Variants in LDLRAD4 observed in about 807,000 individuals in gnomAD.
LDLRAD4 encodes low-density lipoprotein receptor class A domain-containing protein 4.
A neutral mutation model predicts 17.0 loss-of-function variants in LDLRAD4; 5 were observed. That is an observed-to-expected ratio of 0.29 (90% confidence interval 0.15 to 0.62). The LOEUF (loss-of-function observed/expected upper bound fraction) is 0.62. LDLRAD4 is among the 20% of genes least tolerant of loss of function. The pLI is 0.84. For synonymous variants in LDLRAD4, 168 were observed against 171.8 expected, an observed-to-expected ratio of 0.98 and a Z score of 0.17; for missense variants, 340 against 424.7, an observed-to-expected ratio of 0.80 and a Z score of 1.75.
At chr18:13,571,668 G>A (rs571320022) in intron 3 of LDLRAD4, among the ~76,000 whole-genome samples, 50 of 152,030 alleles carry the variant, frequency 3.3e-4, no homozygotes, top group Non-Finnish European at 6.6e-4. Flanking sequence ...ATGGATTCTC[G>A]CTCTGTTGCC....
In LDLRAD4 at chr18:13,376,436, A is replaced by T. The variant is rs535904672; in HGVS notation, c.-382-10905A>T. 5.3e-5 allele frequency among the ~76,000 whole-genome samples: 8 copies of T among 152,310 alleles called. No homozygotes were observed. The South Asian group carries it at 1.7e-3, about 32-fold the overall frequency. On this transcript the variant is annotated intron_variant, in intron 1 of 5. Transcript: ENST00000359446. Reference sequence around the variant, plus strand: ...AGCGGCGTCAGCTGCCAAGCATGGCAGTTATATTCCCTCTTGCCAGCGGCA... The same window carrying T: ...AGCGGCGTCAGCTGCCAAGCATGGCTGTTATATTCCCTCTTGCCAGCGGCA...
At chr18:13,642,932 T>G (rs2042718408) in intron 4 of LDLRAD4, among the ~76,000 whole-genome samples, 1 of 142,386 alleles carries the variant, frequency 7.0e-6, no homozygotes, top group Non-Finnish European at 1.5e-5. Context: ...TTTTTTGTTT[T>G]TTTTTTTTCT....
At chr18:13,502,312 C>G (rs1568265762) in intron 3 of LDLRAD4, among the ~76,000 whole-genome samples, 3 of 152,214 alleles carry the variant, frequency 2.0e-5, no homozygotes, top group Admixed American at 2.0e-4. Context: ...CTGACCGATT[C>G]ACCAGCTCTT....
intron 3 of LDLRAD4, among the ~76,000 whole-genome samples, chr18:13,586,297 A>G (rs2094932116): frequency 6.7e-6 from 1 of 150,070 alleles, no homozygotes; most frequent in Non-Finnish European, 1.5e-5. Flanking sequence ...AATCCCAGCT[A>G]CTGGGAGGCT....
chr18:13,619,515 C>G (rs996146400), intron 3 of LDLRAD4, among the ~76,000 whole-genome samples: 636 of 47,832 alleles, frequency 0.013, 4 homozygotes, highest in Middle Eastern at 0.065. Context: ...GGGGTGGGGC[C>G]GGGGGGGGGC....
At chr18:13,364,584 C>T (rs1256581242) in intron 1 of LDLRAD4, among the ~76,000 whole-genome samples, 1 of 152,152 alleles carries the variant, frequency 6.6e-6, no homozygotes, top group African/African-American at 2.4e-5. Context: ...TCAAGTGATC[C>T]TCCCACTTCA....
chr18:13,532,146 C>T (rs1055851341), intron 3 of LDLRAD4, among the ~76,000 whole-genome samples: 11 of 152,202 alleles, frequency 7.2e-5, no homozygotes, highest in African/African-American at 2.7e-4. Context: ...GCTGCAGAGG[C>T]AGCTGCCGGG....
At chr18:13,475,649 A>G (rs1290787834) in intron 3 of LDLRAD4, among the ~76,000 whole-genome samples, 1 of 152,106 alleles carries the variant, frequency 6.6e-6, no homozygotes, top group Non-Finnish European at 1.5e-5. Flanking sequence ...CCATTACCCT[A>G]AAACACAAGA....
chr18:13,612,602 A>C, intron 3 of LDLRAD4: 1 of 1,572,066 alleles, frequency 6.4e-7, no homozygotes, highest in Non-Finnish European at 8.6e-7. Flanking sequence ...CTATAACTGC[A>C]GCTCTGAGCT....
intron 4 of LDLRAD4, among the ~76,000 whole-genome samples, chr18:13,629,649 A>G (rs1194759142): frequency 2.0e-5 from 3 of 152,222 alleles, no homozygotes; most frequent in Non-Finnish European, 2.9e-5. Context: ...AATAAAATGT[A>G]TGAACATTTT....
chr18:13,404,395 C>G (rs1298068221), intron 2 of LDLRAD4, among the ~76,000 whole-genome samples: 2 of 152,218 alleles, frequency 1.3e-5, no homozygotes, highest in Non-Finnish European at 2.9e-5. Flanking sequence ...GCCTTCACGA[C>G]GCAGCTGCAA....
At chr18:13,376,413 C>T (rs568455043) in intron 1 of LDLRAD4, among the ~76,000 whole-genome samples, 11 of 152,332 alleles carry the variant, frequency 7.2e-5, no homozygotes, top group South Asian at 4.1e-4. Flanking sequence ...CCATGAACAG[C>T]GGCGTCAGCT....
chr18:13,652,624 A>T (rs1249058209), exon 6 of LDLRAD4: 1 of 152,618 alleles, frequency 6.6e-6, no homozygotes, highest in Non-Finnish European at 1.5e-5. Flanking sequence ...AAGGTCTGTA[A>T]TTGCAATACT....
chr18:13,433,738 T>G (rs934106270), intron 2 of LDLRAD4, among the ~76,000 whole-genome samples: 1 of 152,216 alleles, frequency 6.6e-6, no homozygotes, highest in African/African-American at 2.4e-5. Flanking sequence ...ACAGAAAACC[T>G]TAAGATATTC....
chr18:13,446,127 G>C (rs191318405), intron 3 of LDLRAD4, among the ~76,000 whole-genome samples: 72 of 152,256 alleles, frequency 4.7e-4, no homozygotes, highest in Admixed American at 2.4e-3. Context: ...GCTGCTGTTT[G>C]CCGAGTGCTC....
At chr18:13,323,196 A>T (rs545280934) in intron 1 of LDLRAD4, among the ~76,000 whole-genome samples, 7 of 152,326 alleles carry the variant, frequency 4.6e-5, no homozygotes, top group Admixed American at 2.6e-4. Context: ...GTCTTTATCC[A>T]TTTCACTTTT....
At chr18:13,315,076 G>T (rs938999460) in intron 1 of LDLRAD4, among the ~76,000 whole-genome samples, 2 of 152,152 alleles carry the variant, frequency 1.3e-5, no homozygotes, top group Admixed American at 1.3e-4. Context: ...CCAAGGAGGA[G>T]GAGCCCTGGA....
chr18:13,587,427 G>A (rs2148504557), intron 3 of LDLRAD4, among the ~76,000 whole-genome samples: 1 of 152,262 alleles, frequency 6.6e-6, no homozygotes. Flanking sequence ...ACCGAGAACA[G>A]TCGACCTGTC....
chr18:13,232,641 C>T (rs112122228), intron 1 of LDLRAD4, among the ~76,000 whole-genome samples: 53 of 152,316 alleles, frequency 3.5e-4, no homozygotes, highest in African/African-American at 1.2e-3. Flanking sequence ...CTCAGCTATT[C>T]ACTGTTGTCT....
Sources: allele counts gnomAD v4.1 joint callset (sites outside exome capture counted in the v4.1 genomes callset), GRCh38; gene constraint gnomAD v4.1.1; transcripts MANE v1.5; gene names NCBI Gene and HGNC (gene_info 2026-07-23, HGNC 2026-07-21).